The following SGPP2 variants were observed in gnomAD, a reference collection of about 807,000 sequenced individuals.
SGPP2 encodes the protein sphingosine-1-phosphate phosphatase 2.
A neutral mutation model predicts 33.9 loss-of-function variants in SGPP2; 30 were observed. The observed-to-expected ratio is 0.89, with a 90% CI of 0.66 to 1.20. The LOEUF (loss-of-function observed/expected upper bound fraction) is 1.20. Ranked by LOEUF, SGPP2 falls within the 50% of genes most tolerant of loss-of-function variation. The probability of loss-of-function intolerance (pLI) is 0.00; values close to 1 mark genes in which losing one functional copy is unlikely to be tolerated. For missense variants in SGPP2, 458 were observed against 532.1 expected (o/e 0.86, Z 1.37); for synonymous variants, 233 against 225.0 (o/e 1.04, Z -0.32).
intron 1 of SGPP2, among the ~76,000 whole-genome samples, chr2:222,430,993 T>A (rs1559141466): frequency 2.6e-5 from 4 of 151,360 alleles, no homozygotes; most frequent in Admixed American, 1.3e-4. Context: ...AAAAAAAAAA[T>A]TAGGTAAAAA....
intron 2 of SGPP2, among the ~76,000 whole-genome samples, chr2:222,500,665 C>G (rs1051350050): frequency 6.6e-6 from 1 of 152,170 alleles, no homozygotes; most frequent in Non-Finnish European, 1.5e-5. Context: ...GATACACATC[C>G]AGGGCACCCT....
chr2:222,554,620 T>C (rs961013840), intron 4 of SGPP2, among the ~76,000 whole-genome samples: 1 of 152,158 alleles, frequency 6.6e-6, no homozygotes, highest in African/African-American at 2.4e-5. Context: ...AGAGTCCCAG[T>C]TCACCCCTAC....
rs939129422 is a variant in SGPP2 at position 222,476,487 on chromosome 2, T to C, written c.378+1761T>C. 6.6e-6 allele frequency among the ~76,000 whole-genome samples: 1 copy of C among 152,134 alleles called. No individual in the cohort carries two copies. Among genetic ancestry groups the C allele is most frequent in the Non-Finnish European group, 1.5e-5 (1 of 68,018 alleles). On this transcript the variant is annotated intron_variant, in intron 2 of 4. Coordinates refer to ENST00000321276, the MANE Select transcript of SGPP2 (RefSeq NM_152386.4). The surrounding 1 kb of genome is among the most constrained non-coding windows in gnomAD (Gnocchi z 4.3). ...CTGAGAGTCTGCAAAAGCATAGGCA[T>C]CTTGCAAATCATAAAGAGAACGTTA...
chr2:222,518,991 T>A (rs12471271), intron 2 of SGPP2, among the ~76,000 whole-genome samples: 1,907 of 152,316 alleles, frequency 0.013, 25 homozygotes, highest in African/African-American at 0.031. Flanking sequence ...GCAATCCAGC[T>A]GACTAATCAA....
intron 2 of SGPP2, among the ~76,000 whole-genome samples, chr2:222,484,318 A>T (rs771395096): frequency 5.9e-5 from 9 of 152,112 alleles, no homozygotes; most frequent in Non-Finnish European, 8.8e-5. Context: ...CTGTTGGTGG[A>T]GTAGAATTGT....
chr2:222,470,826 A>T lies in SGPP2; in HGVS notation c.220-3742A>T, dbSNP rs188305704. Among the ~76,000 whole-genome samples, 854 of 152,276 alleles carry T rather than the reference A, an allele frequency of 5.6e-3. 8 individuals are homozygous for T. Among genetic ancestry groups the T allele is most frequent in the African/African-American group, 0.02 (812 of 41,552 alleles). The stretch of plus-strand genomic sequence containing the variant: ...AATAACAAACCTTTATGTGAAAAGG[A>T]GCTCTTTATAGGGTGTGCCTCAAGG... On this transcript the variant is annotated intron_variant, in intron 1 of 4. Transcript: ENST00000321276.
chr2:222,486,582 G>C (rs1363170870), intron 2 of SGPP2, among the ~76,000 whole-genome samples: 1 of 152,198 alleles, frequency 6.6e-6, no homozygotes, highest in Non-Finnish European at 1.5e-5. Flanking sequence ...TGTGTGGCAA[G>C]GGCCATCATT....
At chr2:222,540,726 CTGAATATTGGATT>C (rs1162673745) in intron 4 of SGPP2, among the ~76,000 whole-genome samples, 1 of 151,248 alleles carries the variant, frequency 6.6e-6, no homozygotes, top group Non-Finnish European at 1.5e-5. Flanking sequence ...ATCCATTAGT[CTGAATATTGGATT>C]TAACATGGGA....
At chr2:222,500,963 T>C (rs942949784) in intron 2 of SGPP2, among the ~76,000 whole-genome samples, 2 of 152,208 alleles carry the variant, frequency 1.3e-5, no homozygotes, top group Non-Finnish European at 2.9e-5. Flanking sequence ...AACTCAGACC[T>C]GAGGGTTTGG....
chr2:222,503,126 A>G (rs867883958), intron 2 of SGPP2, among the ~76,000 whole-genome samples: 2 of 152,126 alleles, frequency 1.3e-5, no homozygotes, highest in Non-Finnish European at 2.9e-5. Context: ...AAATACTGAA[A>G]CTGTATGTTC....
chr2:222,452,528 G>T, intron 1 of SGPP2: 1 of 1,009,324 alleles, frequency 9.9e-7, no homozygotes, highest in Non-Finnish European at 1.6e-6. Flanking sequence ...AAGGCAAACT[G>T]GCAGGAGAAT....
intron 1 of SGPP2, among the ~76,000 whole-genome samples, chr2:222,471,041 C>A (rs1697831772): frequency 6.6e-6 from 1 of 152,200 alleles, no homozygotes; most frequent in South Asian, 2.1e-4. Flanking sequence ...TTATCTAATT[C>A]ATTTGTGCAT....
chr2:222,446,047 AG>A (rs1346891210), intron 1 of SGPP2, among the ~76,000 whole-genome samples: 1 of 152,214 alleles, frequency 6.6e-6, no homozygotes, highest in Non-Finnish European at 1.5e-5. Flanking sequence ...CAGAGGAACG[AG>A]TAGAAATAAA....
At chr2:222,467,950 G>GGAA (rs1697772293) in intron 1 of SGPP2, among the ~76,000 whole-genome samples, 2 of 24,854 alleles carry the variant, frequency 8.0e-5, no homozygotes, top group Non-Finnish European at 3.7e-4. Context: ...GCTCTAATCT[G>GGAA]AAAAAAAAAA....
intron 2 of SGPP2, among the ~76,000 whole-genome samples, chr2:222,512,995 A>G (rs1698553861): frequency 6.6e-6 from 1 of 152,256 alleles, no homozygotes; most frequent in Non-Finnish European, 1.5e-5. Context: ...AACACCAAAG[A>G]GTGTGACATC....
At chr2:222,450,789 T>C (rs1158089798) in intron 1 of SGPP2, among the ~76,000 whole-genome samples, 2 of 152,196 alleles carry the variant, frequency 1.3e-5, no homozygotes, top group African/African-American at 2.4e-5. Context: ...TTTGCCATGT[T>C]TGAGAGAAAG....
chr2:222,533,488 A>C (rs1228596899), intron 4 of SGPP2, among the ~76,000 whole-genome samples: 1 of 152,226 alleles, frequency 6.6e-6, no homozygotes, highest in Non-Finnish European at 1.5e-5. Flanking sequence ...GAGCCCAGTA[A>C]GTTCACCACA....
intron 4 of SGPP2, among the ~76,000 whole-genome samples, chr2:222,543,624 AT>A (rs1397485000): frequency 6.6e-6 from 1 of 152,188 alleles, no homozygotes; most frequent in Non-Finnish European, 1.5e-5. Flanking sequence ...GTATTCACCT[AT>A]TTTTGGACTA....
chr2:222,521,910 C>T lies in SGPP2; in HGVS notation c.522C>T (p.Ala174=), dbSNP rs755432406. Residue 174 remains alanine, a synonymous_variant, in exon 3 of 5, where the codon GCC becomes GCT. Coordinates refer to ENST00000321276, the MANE Select transcript of SGPP2 (RefSeq NM_152386.4). The part of the protein sequence containing the change: ...STHAMAATAI[A]FTLLISTMDR... Reference sequence around the variant, plus strand: ...ACGCCATGGCGGCCACTGCCATTGCCTTCACCCTCCTTATCTCTACTATGG... The same window carrying T: ...ACGCCATGGCGGCCACTGCCATTGCTTTCACCCTCCTTATCTCTACTATGG... 1.9e-6 allele frequency: 3 copies of T among 1,603,996 alleles called. No homozygotes were observed. Among genetic ancestry groups the T allele is most frequent in the East Asian group, 4.5e-5 (2 of 44,336 alleles).
Sources: gnomAD v4.1 joint callset for allele counts (sites outside exome capture counted in the v4.1 genomes callset) on GRCh38, gnomAD v4.1.1 for gene constraint, Gnocchi (gnomAD v3.1) non-coding constraint, MANE v1.5 for transcripts, NCBI Gene and HGNC (gene_info 2026-07-23, HGNC 2026-07-21) for gene names.